The following SPAG16 variants were observed in gnomAD, a reference collection of about 807,000 sequenced individuals.
The protein encoded by SPAG16 is sperm associated antigen 16.
In SPAG16, 86 loss-of-function variants were observed where a neutral mutation model predicts 80.4. The ratio of observed to expected loss-of-function variants is 1.07; its 90% confidence interval spans 0.90 to 1.28. The LOEUF (loss-of-function observed/expected upper bound fraction) is 1.28, where lower values mean the gene tolerates loss of function less well. SPAG16 is among the 50% of genes most tolerant of loss of function. SPAG16 has a pLI of 0.00. For synonymous variants in SPAG16, 294 were observed against 265.9 expected, an observed-to-expected ratio of 1.11 and a Z score of -1.03; for missense variants, 870 against 765.3, an observed-to-expected ratio of 1.14 and a Z score of -1.61.
intron 7 of SPAG16, among the ~76,000 whole-genome samples, chr2:213,354,427 G>A (rs374883666): frequency 1.3e-3 from 202 of 152,226 alleles, no homozygotes; most frequent in Non-Finnish European, 2.2e-3. Flanking sequence ...GGGTCAAATG[G>A]TATTTCTGGT....
At chr2:214,019,429 G>A (rs552193846) in intron 13 of SPAG16, among the ~76,000 whole-genome samples, 2 of 152,256 alleles carry the variant, frequency 1.3e-5, no homozygotes, top group East Asian at 1.9e-4. Context: ...AGACACAGAG[G>A]GTTCATGACC....
chr2:214,404,103 A>T (rs1364935366), intron 15 of SPAG16, among the ~76,000 whole-genome samples: 1 of 152,194 alleles, frequency 6.6e-6, no homozygotes, highest in Non-Finnish European at 1.5e-5. Flanking sequence ...TCAAGAAATG[A>T]GGGCAAATTG....
At chr2:214,056,681 C>A (rs1023649101) in intron 13 of SPAG16, among the ~76,000 whole-genome samples, 2 of 152,086 alleles carry the variant, frequency 1.3e-5, no homozygotes, top group Non-Finnish European at 2.9e-5. Context: ...AAAAATAAGA[C>A]AATAAAGTTT....
At chr2:213,410,076 G>C (rs35115619) in intron 9 of SPAG16, among the ~76,000 whole-genome samples, 1 of 151,840 alleles carries the variant, frequency 6.6e-6, no homozygotes, top group South Asian at 2.1e-4. Flanking sequence ...ACTGCTGTTC[G>C]TACAGCAAAA....
At chr2:214,208,514 A>G (rs1160719009) in intron 15 of SPAG16, among the ~76,000 whole-genome samples, 2 of 152,190 alleles carry the variant, frequency 1.3e-5, no homozygotes, top group Non-Finnish European at 2.9e-5. Context: ...TGAAGACTTT[A>G]TTTTGTGTAA....
intron 10 of SPAG16, among the ~76,000 whole-genome samples, chr2:213,665,157 A>G (rs2063556659): frequency 6.6e-6 from 1 of 152,096 alleles, no homozygotes; most frequent in Non-Finnish European, 1.5e-5. Context: ...CTTAGTGCTG[A>G]TATAGATTAA....
intron 10 of SPAG16, among the ~76,000 whole-genome samples, chr2:213,573,953 G>A (rs2060020830): frequency 6.6e-6 from 1 of 152,100 alleles, no homozygotes; most frequent in South Asian, 2.1e-4. Context: ...ATCAGATTCA[G>A]ATTTAGTATG....
intron 12 of SPAG16, among the ~76,000 whole-genome samples, chr2:213,994,984 T>C (rs568829471): frequency 3.3e-5 from 5 of 152,314 alleles, no homozygotes; most frequent in African/African-American, 9.6e-5. Context: ...AAAGAAAAGA[T>C]TTAATTATGG....
intron 1 of SPAG16, among the ~76,000 whole-genome samples, chr2:213,285,098 C>T (rs1357600214): frequency 6.6e-6 from 1 of 152,144 alleles, no homozygotes; most frequent in Admixed American, 6.5e-5. Flanking sequence ...CGATCCTGTT[C>T]GATGGTCCAG....
At position 213,403,063 on chromosome 2, in the gene SPAG16, A is replaced by G. The variant is rs960485152; in HGVS notation, c.942+27944A>G. ...CCACCAACAGTGTCAAAGTGTTCCTATTTCTCCACATCCTCTCCAGCACCT... is the reference window on the plus strand; with the variant it reads ...CCACCAACAGTGTCAAAGTGTTCCTGTTTCTCCACATCCTCTCCAGCACCT... On this transcript the variant is annotated intron_variant, in intron 9 of 15. Transcript: ENST00000331683. 9.9e-5 allele frequency among the ~76,000 whole-genome samples: 15 copies of G among 151,748 alleles called. No homozygotes were observed. The East Asian group carries it at 1.9e-3, about 20-fold the overall frequency.
intron 10 of SPAG16, among the ~76,000 whole-genome samples, chr2:213,794,407 A>G (rs2070891944): frequency 6.6e-6 from 1 of 152,146 alleles, no homozygotes; most frequent in Non-Finnish European, 1.5e-5. Flanking sequence ...TTTGAAACAA[A>G]GTATCTAGGC....
intron 15 of SPAG16, among the ~76,000 whole-genome samples, chr2:214,197,594 G>A (rs1227826313): frequency 2.0e-5 from 3 of 151,850 alleles, no homozygotes; most frequent in Non-Finnish European, 2.9e-5. Context: ...AAATATCATT[G>A]TCATTGCAAA....
intron 12 of SPAG16, among the ~76,000 whole-genome samples, chr2:213,961,328 A>G (rs1054990425): frequency 2.0e-5 from 3 of 152,136 alleles, no homozygotes; most frequent in Non-Finnish European, 2.9e-5. Context: ...TACATACAAG[A>G]TCATGGAATC....
chr2:213,573,976 TC>T (rs1393857398), intron 10 of SPAG16, among the ~76,000 whole-genome samples: 1 of 152,176 alleles, frequency 6.6e-6, no homozygotes, highest in Non-Finnish European at 1.5e-5. Context: ...GGAGGTAAGG[TC>T]TGAGATTATA....
At chr2:214,250,749 T>TAGAGAGAGAGAG (rs377538514) in intron 15 of SPAG16, among the ~76,000 whole-genome samples, 34 of 92,792 alleles carry the variant, frequency 3.7e-4, no homozygotes, top group Non-Finnish European at 6.7e-4. Context: ...TATATATATA[T>TAGAGAGAGAGAG]ATATATATAG....
Position 214,099,451 on chromosome 2 carries a change from A to C in SPAG16, c.1528-8745A>C, listed in dbSNP as rs142884187. 3.5e-3 allele frequency among the ~76,000 whole-genome samples: 540 copies of C among 152,264 alleles called. 4 individuals are homozygous for C. Among genetic ancestry groups the C allele is most frequent in the Middle Eastern group, 0.014 (4 of 294 alleles). On this transcript the variant is annotated intron_variant, in intron 13 of 15. Transcript: ENST00000331683. ...TACTTAGTAAAGTGTTTATACGAAT[A>C]AGAGATAGTATCAATAATTTTCCAA...
intron 15 of SPAG16, among the ~76,000 whole-genome samples, chr2:214,309,080 C>T (rs866897903): frequency 4.0e-5 from 6 of 151,776 alleles, no homozygotes; most frequent in African/African-American, 1.2e-4. Context: ...AGGTTTTGTT[C>T]ATTCCTTTTC....
chr2:213,481,398 A>G (rs779989781), intron 9 of SPAG16, among the ~76,000 whole-genome samples: 6 of 152,020 alleles, frequency 3.9e-5, no homozygotes, highest in African/African-American at 1.5e-4. Flanking sequence ...GACTTTTGTC[A>G]TCTTTCAATT....
chr2:213,596,323 T>A (rs888775215), intron 10 of SPAG16, among the ~76,000 whole-genome samples: 2 of 152,090 alleles, frequency 1.3e-5, no homozygotes, highest in Non-Finnish European at 2.9e-5. Context: ...TATTTTAGAT[T>A]TTGGTTTCTT....
Sources: allele counts gnomAD v4.1 joint callset (sites outside exome capture counted in the v4.1 genomes callset), GRCh38; gene constraint gnomAD v4.1.1; transcripts MANE v1.5; gene names NCBI Gene and HGNC (gene_info 2026-07-23, HGNC 2026-07-21).